ZNF521: variants seen among roughly 807,000 people sequenced by gnomAD.
ZNF521 encodes the protein LYST-interacting protein 3.
Under a neutral mutation model 105.5 loss-of-function variants are expected in ZNF521, and 14 were observed. The observed-to-expected ratio is 0.13, with a 90% CI of 0.09 to 0.21. The LOEUF (loss-of-function observed/expected upper bound fraction) is 0.21, where lower values mean the gene tolerates loss of function less well. Among genes scored for constraint, ZNF521 ranks in the 10% least tolerant of loss-of-function variants. The pLI is 1.00. For missense variants in ZNF521, 1,233 were observed against 1,629.7 expected, an observed-to-expected ratio of 0.76 and a Z score of 4.19; for synonymous variants, 635 against 606.0, an observed-to-expected ratio of 1.05 and a Z score of -0.70.
Position 25,226,525 on chromosome 18 carries a change from G to C in ZNF521, c.1393C>G (p.Pro465Ala), listed in dbSNP as rs28437333. ...HLKQVHEAQD[P>A]GLIVSAMPAI... The stretch of plus-strand genomic sequence containing the variant: ...GGCATGGCAGAAACAATCAGACCTG[G>C]GTCCTGAGCTTCATGCACTTGCTTA... The change falls in exon 4 of 8, where the codon CCA (proline) becomes GCA (alanine). Residue 465 changes from proline (P) to alanine (A), a missense_variant. Pro to Ala is a conservative substitution (Grantham distance 27, BLOSUM62 -1). Transcript: ENST00000361524. The surrounding 1 kb of genome is among the most constrained non-coding windows in gnomAD (Gnocchi z 4.1). 553 of 1,614,102 alleles carry C rather than the reference G, an allele frequency of 3.4e-4. 3 individuals carry two copies. The African/African-American group carries it at 6.9e-3, about 20-fold the overall frequency.
chr18:25,310,519 T>G (rs1402583037), intron 3 of ZNF521, among the ~76,000 whole-genome samples: 1 of 151,816 alleles, frequency 6.6e-6, no homozygotes, highest in Non-Finnish European at 1.5e-5. Context: ...AAGGCATATA[T>G]ATTATACATG....
At chr18:25,307,778 G>A (rs1301592158) in intron 3 of ZNF521, among the ~76,000 whole-genome samples, 1 of 152,138 alleles carries the variant, frequency 6.6e-6, no homozygotes, top group African/African-American at 2.4e-5. Context: ...CTGTCTGTCT[G>A]TCTGTCTCTC....
intron 5 of ZNF521, among the ~76,000 whole-genome samples, chr18:25,180,205 T>C (rs2035607762): frequency 6.6e-6 from 1 of 152,232 alleles, no homozygotes; most frequent in African/African-American, 2.4e-5. Flanking sequence ...TGTATCCTTA[T>C]AAGATAATGT....
intron 2 of ZNF521, among the ~76,000 whole-genome samples, chr18:25,348,937 G>C (rs1372532414): frequency 6.6e-6 from 1 of 152,120 alleles, no homozygotes; most frequent in African/African-American, 2.4e-5. Context: ...GGAAGCACTG[G>C]GAACAAACGC....
intron 2 of ZNF521, among the ~76,000 whole-genome samples, chr18:25,338,215 C>A (rs773786644): frequency 6.8e-5 from 10 of 146,322 alleles, no homozygotes; most frequent in African/African-American, 2.3e-4. Context: ...TACAGAATTA[C>A]GTGGATGGTT....
chr18:25,348,450 A>C (rs1914558196), intron 2 of ZNF521, among the ~76,000 whole-genome samples: 1 of 152,150 alleles, frequency 6.6e-6, no homozygotes, highest in Non-Finnish European at 1.5e-5. Flanking sequence ...TCTACATATG[A>C]ATTTTTCAAG....
chr18:25,266,948 T>C (rs920857812), intron 3 of ZNF521, among the ~76,000 whole-genome samples: 1 of 152,170 alleles, frequency 6.6e-6, no homozygotes, highest in East Asian at 1.9e-4. Context: ...CCCTGGAAAG[T>C]GGGCTGAAGC....
At chr18:25,199,264 T>C (rs2035952790) in intron 4 of ZNF521, among the ~76,000 whole-genome samples, 1 of 151,766 alleles carries the variant, frequency 6.6e-6, no homozygotes, top group Non-Finnish European at 1.5e-5. Flanking sequence ...ATCCAGAATA[T>C]TCTTCAAAAG....
intron 4 of ZNF521, among the ~76,000 whole-genome samples, chr18:25,204,840 C>T (rs905218794): frequency 5.9e-5 from 9 of 152,090 alleles, no homozygotes; most frequent in Non-Finnish European, 1.2e-4. Context: ...GTATCTTCAT[C>T]TAGATCATCT....
Position 25,350,911 on chromosome 18 carries a change from G to C in ZNF521, c.36C>G (p.Leu12=). Residue 12 remains leucine (L), a synonymous_variant, in exon 2 of 8, where the codon CTC becomes CTG. Transcript: ENST00000361524. ...SRRKQAKPRS[L]KDPNCKLEDK... is the part of the protein sequence containing the mutation. ...GAGCAGGGGGTTCCTCCTTACCTTT[G>C]AGGGATCTCGGTTTCGCTTGCTTGC... is the stretch of plus-strand genomic sequence containing the variant. 6.4e-7 allele frequency: 1 copy of C among 1,550,784 alleles called. No individual in the cohort carries two copies. Among genetic ancestry groups the C allele is most frequent in the Non-Finnish European group, 8.7e-7 (1 of 1,146,462 alleles).
chr18:25,342,521 C>G (rs1914260901), intron 2 of ZNF521, among the ~76,000 whole-genome samples: 1 of 144,736 alleles, frequency 6.9e-6, no homozygotes, highest in Admixed American at 7.1e-5. Flanking sequence ...CTCCGCCTCC[C>G]AGGTTCCCGC....
At chr18:25,307,660 T>A (rs1912055339) in intron 3 of ZNF521, among the ~76,000 whole-genome samples, 1 of 152,178 alleles carries the variant, frequency 6.6e-6, no homozygotes, top group Non-Finnish European at 1.5e-5. Flanking sequence ...TACACTAGAG[T>A]TGATCTGTGT....
chr18:25,123,606 A>C (rs773315621), intron 5 of ZNF521, among the ~76,000 whole-genome samples: 1 of 152,166 alleles, frequency 6.6e-6, no homozygotes, highest in Non-Finnish European at 1.5e-5. Flanking sequence ...TGCATTCTCC[A>C]GTTTCCTTGC....
chr18:25,350,243 G>A (rs1226222505), intron 2 of ZNF521, among the ~76,000 whole-genome samples: 2 of 152,140 alleles, frequency 1.3e-5, no homozygotes, highest in African/African-American at 2.4e-5. Flanking sequence ...CAGGGGCGGC[G>A]GGGAGAAGTA....
chr18:25,100,868 T>C (rs1016651849), intron 5 of ZNF521, among the ~76,000 whole-genome samples: 1 of 152,152 alleles, frequency 6.6e-6, no homozygotes. Flanking sequence ...AATTGCCTGA[T>C]TGTAATTAAG....
At chr18:25,162,938 A>C (rs1460877242) in intron 5 of ZNF521, among the ~76,000 whole-genome samples, 1 of 152,228 alleles carries the variant, frequency 6.6e-6, no homozygotes, top group African/African-American at 2.4e-5. Flanking sequence ...TAAGCCTTAA[A>C]ATATGTTCAT....
intron 3 of ZNF521, among the ~76,000 whole-genome samples, chr18:25,301,083 C>T (rs1024130815): frequency 7.9e-5 from 12 of 152,196 alleles, no homozygotes; most frequent in African/African-American, 2.2e-4. Flanking sequence ...AGAGCTGGAA[C>T]TTACTTTTTC....
At chr18:25,095,087 G>C (rs925328028) in intron 5 of ZNF521, among the ~76,000 whole-genome samples, 1 of 152,002 alleles carries the variant, frequency 6.6e-6, no homozygotes, top group Non-Finnish European at 1.5e-5. Context: ...CTTAGAATTG[G>C]GTGGGGGGGA....
chr18:25,063,731 T>C (rs948701131), intron 7 of ZNF521, among the ~76,000 whole-genome samples: 7 of 152,164 alleles, frequency 4.6e-5, no homozygotes, highest in Non-Finnish European at 1.0e-4. Context: ...GATATTTGCC[T>C]GGAGCATAAG....
Sources: gnomAD v4.1 joint callset for allele counts (sites outside exome capture counted in the v4.1 genomes callset) on GRCh38, gnomAD v4.1.1 for gene constraint, Gnocchi (gnomAD v3.1) non-coding constraint, MANE v1.5 for transcripts, NCBI Gene and HGNC (gene_info 2026-07-23, HGNC 2026-07-21) for gene names.